The following TCF4 variants were observed in gnomAD, a reference collection of about 807,000 sequenced individuals.
The protein encoded by TCF4 is SL3-3 enhancer factor 2.
A neutral mutation model predicts 82.1 loss-of-function variants in TCF4; 3 were observed. The ratio of observed to expected loss-of-function variants is 0.04; its 90% confidence interval spans 0.02 to 0.09. The LOEUF (loss-of-function observed/expected upper bound fraction) is 0.09, where lower values mean the gene tolerates loss of function less well. TCF4 is among the 10% of genes least tolerant of loss of function. The pLI is 1.00. For synonymous variants in TCF4, 276 were observed against 309.6 expected (o/e 0.89, Z 1.14); for missense variants, 518 against 852.7 (o/e 0.61, Z 4.89).
intron 5 of TCF4, chr18:55,403,973 G>T (rs1009688295): frequency 1.6e-6 from 2 of 1,272,342 alleles, no homozygotes; most frequent in Non-Finnish European, 2.0e-6. Flanking sequence ...ATTTAGCAAA[G>T]AAACTATTCA....
intron 8 of TCF4, among the ~76,000 whole-genome samples, chr18:55,301,121 A>G (rs749889263): frequency 6.6e-6 from 1 of 152,118 alleles, no homozygotes; most frequent in Non-Finnish European, 1.5e-5. Context: ...CCACTCCCCA[A>G]TTACAAGGCA....
At position 55,359,559 on chromosome 18, in the gene TCF4, C is replaced by A. The variant is rs142233059; in HGVS notation, c.370-8556G>T. 1.2e-3 allele frequency among the ~76,000 whole-genome samples: 187 copies of A among 152,300 alleles called. 1 individual carries two copies. Among genetic ancestry groups the A allele is most frequent in the African/African-American group, 4.2e-3 (176 of 41,562 alleles). On this transcript the variant is annotated intron_variant, in intron 6 of 19. Transcript: ENST00000354452. The stretch of plus-strand genomic sequence containing the variant: ...CCAACTGGATAAAATAATTTATTAG[C>A]TATGGAAGATGCTTGCATGATTTCA...
At chr18:55,415,524 G>A (rs887433584) in intron 5 of TCF4, among the ~76,000 whole-genome samples, 1 of 152,186 alleles carries the variant, frequency 6.6e-6, no homozygotes, top group Non-Finnish European at 1.5e-5. Flanking sequence ...AACTTATTTA[G>A]TACTAAGTCT....
intron 2 of TCF4, among the ~76,000 whole-genome samples, chr18:55,615,504 T>C (rs1171849690): frequency 6.6e-6 from 1 of 152,084 alleles, no homozygotes; most frequent in Non-Finnish European, 1.5e-5. Context: ...ATTTCCAATC[T>C]TGATGCCTTT....
intron 1 of TCF4, chr18:55,635,676 T>C: frequency 1.9e-6 from 3 of 1,539,560 alleles, no homozygotes; most frequent in Non-Finnish European, 2.6e-6. Flanking sequence ...ACTAAGATGC[T>C]AAAGTAGCCC....
chr18:55,379,588 C>A (rs1037524213), intron 6 of TCF4, among the ~76,000 whole-genome samples: 2 of 152,110 alleles, frequency 1.3e-5, no homozygotes, highest in Non-Finnish European at 2.9e-5. Context: ...AAGTGCATAG[C>A]CATTCCCCAG....
At chr18:55,313,142 G>C (rs893312499) in intron 8 of TCF4, among the ~76,000 whole-genome samples, 6 of 152,110 alleles carry the variant, frequency 3.9e-5, no homozygotes, top group Non-Finnish European at 8.8e-5. Context: ...CAAAAGAACA[G>C]AGAAGAACAT....
chr18:55,401,183 C>A (rs2093796063), intron 6 of TCF4: 2 of 1,222,856 alleles, frequency 1.6e-6, no homozygotes, highest in Admixed American at 3.1e-5. Context: ...GTTCTATTCT[C>A]AAATTTCACA....
chr18:55,460,730 TA>T (rs988421376), intron 5 of TCF4, among the ~76,000 whole-genome samples: 2 of 152,194 alleles, frequency 1.3e-5, no homozygotes, highest in African/African-American at 4.8e-5. Flanking sequence ...AAACTACTGA[TA>T]CAACATTGAA....
intron 5 of TCF4, among the ~76,000 whole-genome samples, chr18:55,447,359 T>C (rs2095544712): frequency 6.6e-6 from 1 of 152,102 alleles, no homozygotes; most frequent in South Asian, 2.1e-4. Flanking sequence ...CCCTGATATG[T>C]ATGCAACAAC....
chr18:55,434,414 A>AC (rs2147209293), intron 5 of TCF4, among the ~76,000 whole-genome samples: 2 of 116,576 alleles, frequency 1.7e-5, no homozygotes, highest in East Asian at 5.6e-4. Context: ...GCAATACAGG[A>AC]CATTCTTTTT....
chr18:55,357,389 A>C (rs2083831218), intron 6 of TCF4, among the ~76,000 whole-genome samples: 1 of 152,202 alleles, frequency 6.6e-6, no homozygotes, highest in African/African-American at 2.4e-5. Context: ...GCTCCTTCTC[A>C]GTTCAGGAAG....
At chr18:55,255,543 G>T (rs1302706335) in intron 14 of TCF4, among the ~76,000 whole-genome samples, 2 of 152,066 alleles carry the variant, frequency 1.3e-5, no homozygotes, top group Non-Finnish European at 2.9e-5. Flanking sequence ...TGAAGAAAAT[G>T]TATGTATTCA....
intron 5 of TCF4, among the ~76,000 whole-genome samples, chr18:55,455,029 A>T (rs1050664100): frequency 6.6e-6 from 1 of 151,992 alleles, no homozygotes; most frequent in African/African-American, 2.4e-5. Flanking sequence ...TCTACTAAAA[A>T]TATAAAAATT....
intron 6 of TCF4, among the ~76,000 whole-genome samples, chr18:55,378,919 G>C (rs888561651): frequency 2.4e-4 from 37 of 152,208 alleles, no homozygotes; most frequent in Non-Finnish European, 1.6e-4. Flanking sequence ...ATAGAGGCTA[G>C]TTTGAGAACC....
chr18:55,252,581 C>A (rs2055560370), intron 15 of TCF4, among the ~76,000 whole-genome samples: 1 of 152,062 alleles, frequency 6.6e-6, no homozygotes, highest in Admixed American at 6.6e-5. Context: ...GTCAAATAGT[C>A]CCCAAAAGTA....
intron 3 of TCF4, among the ~76,000 whole-genome samples, chr18:55,561,552 C>T (rs1055289400): frequency 2.0e-5 from 3 of 152,142 alleles, no homozygotes; most frequent in African/African-American, 7.2e-5. Flanking sequence ...TAATGATCTT[C>T]CTACTTAATA....
intron 3 of TCF4, among the ~76,000 whole-genome samples, chr18:55,487,755 A>T (rs1371869635): frequency 6.6e-6 from 1 of 152,188 alleles, no homozygotes; most frequent in Non-Finnish European, 1.5e-5. Context: ...AAGCATAAAA[A>T]TTTCTATGAG....
intron 15 of TCF4, among the ~76,000 whole-genome samples, chr18:55,249,647 G>C (rs1218546671): frequency 2.0e-5 from 3 of 152,176 alleles, no homozygotes; most frequent in Non-Finnish European, 4.4e-5. Context: ...AATTCCTTGA[G>C]AGCACAGAAC....
Sources: allele counts gnomAD v4.1 joint callset (sites outside exome capture counted in the v4.1 genomes callset), GRCh38; gene constraint gnomAD v4.1.1; transcripts MANE v1.5; gene names NCBI Gene and HGNC (gene_info 2026-07-23, HGNC 2026-07-21).